GPATCH8: variants seen among roughly 807,000 people sequenced by gnomAD.
The protein encoded by GPATCH8 is G patch domain-containing protein 8.
GPATCH8 carries 18 observed loss-of-function variants against 118.3 expected under a neutral mutation model. That is an observed-to-expected ratio of 0.15 (90% confidence interval 0.11 to 0.23). GPATCH8 has a LOEUF of 0.23. Ranked by LOEUF, GPATCH8 falls within the 10% of genes least tolerant of loss-of-function variation. The pLI, the probability that GPATCH8 is intolerant of heterozygous loss-of-function variation, is 1.00. For missense variants in GPATCH8, 1,631 were observed against 1,873.8 expected, an observed-to-expected ratio of 0.87 and a Z score of 2.39; for synonymous variants, 659 against 684.7, an observed-to-expected ratio of 0.96 and a Z score of 0.59.
intron 1 of GPATCH8, among the ~76,000 whole-genome samples, chr17:44,482,761 A>T (rs1273247561): frequency 6.6e-6 from 1 of 152,026 alleles, no homozygotes; most frequent in Non-Finnish European, 1.5e-5. Context: ...ATATCAAATA[A>T]GTCAATACTA....
At chr17:44,490,961 C>A (rs1043579849) in intron 1 of GPATCH8, among the ~76,000 whole-genome samples, 1 of 152,142 alleles carries the variant, frequency 6.6e-6, no homozygotes, top group Non-Finnish European at 1.5e-5. Flanking sequence ...TAAATGAAAT[C>A]TTATTATTTG....
At chr17:44,494,245 T>C (rs1969495316) in intron 1 of GPATCH8, among the ~76,000 whole-genome samples, 2 of 152,108 alleles carry the variant, frequency 1.3e-5, no homozygotes, top group Admixed American at 1.3e-4. Context: ...CCTACATTGC[T>C]GCCACCACCC....
In GPATCH8 at chr17:44,395,764, G is replaced by A. The variant is rs1331612328; in HGVS notation, c.*1804C>T. The stretch of plus-strand genomic sequence containing the variant: ...ACAGAGCCTTGGCCCAGGTAAGTAT[G>A]GTTTTTCTTGTCAAGTGACCAACCA... On this transcript the variant is annotated 3_prime_UTR_variant, in exon 8 of 8. Transcript: ENST00000591680. 2.2e-6 allele frequency: 1 copy of A among 453,978 alleles called. No homozygotes were observed. The highest frequency in any genetic ancestry group is 4.4e-6 in the Non-Finnish European group (1 of 226,800). The allele number at this position is 453,978 out of a possible 1,614,324, so 28.1% of individuals were successfully genotyped here. A position where few individuals can be genotyped will look rare whatever the true frequency, so the allele number is the denominator to read the frequency against.
chr17:44,430,695 T>TC (rs2050275464), intron 5 of GPATCH8, among the ~76,000 whole-genome samples: 1 of 151,786 alleles, frequency 6.6e-6, no homozygotes, highest in Non-Finnish European at 1.5e-5. Flanking sequence ...CAGGCTGGAG[T>TC]GCAGTGGTGC....
chr17:44,398,389 A>T lies in GPATCH8; in HGVS notation c.3688T>A (p.Ser1230Thr). 2 of 1,613,954 alleles carry T rather than the reference A, an allele frequency of 1.2e-6. No individual in the cohort carries two copies. Among genetic ancestry groups the T allele is most frequent in the Non-Finnish European group, 1.7e-6 (2 of 1,179,900 alleles). Residue 1230 changes from serine to threonine, a missense_variant, in exon 8 of 8, where the codon TCT becomes ACT. By Grantham distance (58) the Ser-to-Thr change is moderately conservative. Around this residue, in one of 8 missense-constraint regions of GPATCH8, gnomAD observed 922 missense variants for 879.7 expected, o/e 1.05. Coordinates refer to ENST00000591680, the MANE Select transcript of GPATCH8 (RefSeq NM_001002909.4). Reference protein sequence around the residue: ...PVAPLGTPAHSDCYPGDPTIS... With the variant: ...PVAPLGTPAHTDCYPGDPTIS... ...GTTGGGTCCCCAGGGTAGCAGTCAG[A>T]ATGTGCTGGGGTGCCTAGTGGAGCC...
intron 6 of GPATCH8, among the ~76,000 whole-genome samples, chr17:44,408,820 G>GA (rs1481361188): frequency 6.6e-6 from 1 of 152,152 alleles, no homozygotes; most frequent in Non-Finnish European, 1.5e-5. Context: ...GCAATAAAAC[G>GA]AATCTAAATT....
At chr17:44,492,899 T>C (rs1440025916) in intron 1 of GPATCH8, among the ~76,000 whole-genome samples, 2 of 152,138 alleles carry the variant, frequency 1.3e-5, no homozygotes, top group African/African-American at 4.8e-5. Context: ...CCTTTTATGA[T>C]GCCACGATAA....
At chr17:44,485,482 A>C (rs1402861072) in intron 1 of GPATCH8, among the ~76,000 whole-genome samples, 1 of 152,018 alleles carries the variant, frequency 6.6e-6, no homozygotes, top group Non-Finnish European at 1.5e-5. Context: ...GCTGGAATGC[A>C]GTGGCACAAT....
At chr17:44,453,530 T>TGTGTGTGTGTGTGTGTGTGCGC (rs1052518435) in intron 3 of GPATCH8, among the ~76,000 whole-genome samples, 4 of 150,452 alleles carry the variant, frequency 2.7e-5, no homozygotes, top group African/African-American at 7.4e-5. Flanking sequence ...TGTGTGTGTG[T>TGTGTGTGTGTGTGTGTGTGCGC]GCAGGCGCGC....
chr17:44,418,872 T>C (rs1266580125), intron 6 of GPATCH8, among the ~76,000 whole-genome samples: 2 of 152,236 alleles, frequency 1.3e-5, no homozygotes, highest in African/African-American at 4.8e-5. Context: ...CAAAATGTAT[T>C]AACATCGATC....
chr17:44,435,259 T>A, intron 4 of GPATCH8, 108 bp from the exon 5 acceptor site: 1 of 695,224 alleles, frequency 1.4e-6, no homozygotes, highest in Admixed American at 2.2e-5. Flanking sequence ...AAAAAAAAAT[T>A]GTAATTTTGC....
intron 6 of GPATCH8, among the ~76,000 whole-genome samples, chr17:44,406,706 T>C (rs75543315): frequency 1.3e-5 from 2 of 152,066 alleles, no homozygotes; most frequent in Admixed American, 6.6e-5. Flanking sequence ...ATGTGAGGCT[T>C]TGCATTCCTT....
intron 5 of GPATCH8, among the ~76,000 whole-genome samples, chr17:44,426,957 T>TA (rs2050113081): frequency 6.6e-6 from 1 of 152,100 alleles, no homozygotes; most frequent in Admixed American, 6.6e-5. Context: ...TAACTTAGGA[T>TA]TTTATATGTA....
At chr17:44,425,081 G>A (rs2050043544) in intron 5 of GPATCH8, among the ~76,000 whole-genome samples, 1 of 152,146 alleles carries the variant, frequency 6.6e-6, no homozygotes. Context: ...TGCCTCAGCA[G>A]TTTCACTTAA....
At chr17:44,468,264 C>A (rs1351877738) in intron 2 of GPATCH8, among the ~76,000 whole-genome samples, 1 of 151,780 alleles carries the variant, frequency 6.6e-6, no homozygotes, top group Non-Finnish European at 1.5e-5. Flanking sequence ...TAAGCCACCA[C>A]GACTGGTCCA....
At chr17:44,440,510 T>C (rs1352865760) in intron 3 of GPATCH8, among the ~76,000 whole-genome samples, 1 of 152,182 alleles carries the variant, frequency 6.6e-6, no homozygotes, top group Non-Finnish European at 1.5e-5. Flanking sequence ...CAGGCTCAAG[T>C]GATCCTCTTG....
Position 44,397,628 on chromosome 17 carries a change from T to C in GPATCH8, c.4449A>G (p.Pro1483=), listed in dbSNP as rs149668304. Residue 1483 remains proline, a synonymous_variant, in exon 8 of 8, where the codon CCA becomes CCG. Coordinates refer to ENST00000591680, the MANE Select transcript of GPATCH8 (RefSeq NM_001002909.4). Reference sequence around the variant, plus strand: ...GACCTGAGAAGATGGGGTGAAGTAGTGGGTGAAGGTGAAGTGCAGTGGCAG... The same window carrying C: ...GACCTGAGAAGATGGGGTGAAGTAGCGGGTGAAGGTGAAGTGCAGTGGCAG... The part of the protein sequence containing the change: ...AAAATALHLH[P]LLHPIFSGQD... 9.3e-6 allele frequency: 15 copies of C among 1,613,114 alleles called. No homozygotes were observed. In the African/African-American group the frequency reaches 1.3e-4, roughly 14 times the overall value.
chr17:44,397,551 G>A lies in GPATCH8; in HGVS notation c.*17C>T. ...GGGTCTCCTCCCCTGGCCCTACCTA[G>A]GATCCCATCCCCCAACTCACGTGCC... is the stretch of plus-strand genomic sequence containing the variant. On this transcript the variant is annotated 3_prime_UTR_variant, in exon 8 of 8. Transcript: ENST00000591680. The A allele has an allele frequency of 6.3e-7, 1 of 1,579,554 alleles. No individual in the cohort carries two copies. The highest frequency in any genetic ancestry group is 1.1e-5 in the South Asian group (1 of 90,390).
intron 1 of GPATCH8, among the ~76,000 whole-genome samples, chr17:44,493,427 A>G (rs1969433350): frequency 6.6e-6 from 1 of 152,066 alleles, no homozygotes; most frequent in Admixed American, 6.6e-5. Context: ...CATACCAACT[A>G]TTTTCTACCA....
Sources: gnomAD v4.1 joint callset for allele counts (sites outside exome capture counted in the v4.1 genomes callset) on GRCh38, gnomAD v4.1.1 for gene constraint, gnomAD v4.1.1 regional missense constraint, MANE v1.5 for transcripts, NCBI Gene and HGNC (gene_info 2026-07-23, HGNC 2026-07-21) for gene names.